Variants in TTC6 observed in about 807,000 individuals in gnomAD.
The protein encoded by TTC6 is tetratricopeptide repeat domain 6.
In TTC6, 172 loss-of-function variants were observed where a neutral mutation model predicts 210.4. The ratio of observed to expected loss-of-function variants is 0.82; its 90% CI spans 0.72 to 0.93. The LOEUF is 0.93. Among genes scored for constraint, TTC6 ranks in the 40% least tolerant of loss-of-function variants. TTC6 has a pLI of 0.00. For missense variants in TTC6, 2,414 were observed against 2,318.1 expected (o/e 1.04, Z -0.85); for synonymous variants, 804 against 819.6 (o/e 0.98, Z 0.32).
At chr14:37,614,639 CT>C (rs765102052) in intron 2 of TTC6, among the ~76,000 whole-genome samples, 2 of 147,842 alleles carry the variant, frequency 1.4e-5, no homozygotes, top group African/African-American at 4.9e-5. Flanking sequence ...GAGTAATTCT[CT>C]TAGGTTTTTT....
intron 10 of TTC6, among the ~76,000 whole-genome samples, chr14:37,741,914 G>T (rs1225860481): frequency 6.6e-6 from 1 of 152,134 alleles, no homozygotes; most frequent in Admixed American, 6.5e-5. Context: ...GTTTCCCTCT[G>T]CTTTGGTCTC....
chr14:37,717,411 T>A (rs2095854470), intron 6 of TTC6, among the ~76,000 whole-genome samples: 1 of 152,158 alleles, frequency 6.6e-6, no homozygotes, highest in Admixed American at 6.5e-5. Flanking sequence ...ATAGGAATAC[T>A]ATGAACAACT....
At chr14:37,630,907 GTTTTTTTTTTTTTTTTTTTTTTTTTTT>G (rs746429138) in intron 1 of TTC6, among the ~76,000 whole-genome samples, 5 of 33,072 alleles carry the variant, frequency 1.5e-4, no homozygotes, top group East Asian at 1.3e-3. Flanking sequence ...GGCAACCCCT[GTTTTTTTTTTTTTTTTTTTTTTTTTTT>G]TTTTTTTTTT....
chr14:37,821,866 C>T (rs569575494), intron 26 of TTC6, among the ~76,000 whole-genome samples: 8 of 150,018 alleles, frequency 5.3e-5, no homozygotes, highest in South Asian at 2.1e-4. Flanking sequence ...CTGCAACCTC[C>T]GCCTTCCAGT....
At chr14:37,841,754 C>T (rs1013042586) in intron 30 of TTC6, 84 bp downstream of exon 32, 1 of 1,064,570 alleles carries the variant, frequency 9.4e-7, no homozygotes, top group African/African-American at 1.6e-5. Context: ...ATCATTAGGT[C>T]TATTTATTTA....
At chr14:37,645,964 T>C (rs1292878250) in intron 1 of TTC6, among the ~76,000 whole-genome samples, 1 of 152,208 alleles carries the variant, frequency 6.6e-6, no homozygotes, top group Non-Finnish European at 1.5e-5. Flanking sequence ...ACAGGAACAA[T>C]GACAGTAATA....
At chr14:37,624,483 T>C (rs1308840348) in intron 1 of TTC6, among the ~76,000 whole-genome samples, 1 of 152,166 alleles carries the variant, frequency 6.6e-6, no homozygotes, top group African/African-American at 2.4e-5. Flanking sequence ...AGGAAAGTTA[T>C]ACCTCAGAGC....
At chr14:37,681,164 A>G (rs1396283659) in intron 2 of TTC6, among the ~76,000 whole-genome samples, 1 of 152,134 alleles carries the variant, frequency 6.6e-6, no homozygotes. Context: ...GGCTTACCAC[A>G]TATGCTATGG....
intron 21 of TTC6, among the ~76,000 whole-genome samples, chr14:37,805,297 C>T (rs146585485): frequency 3.9e-5 from 6 of 152,168 alleles, no homozygotes; most frequent in African/African-American, 1.4e-4. Context: ...ACATATTTAT[C>T]CAGTCTTTGG....
chr14:37,776,445 C>T (rs974521259), intron 14 of TTC6, among the ~76,000 whole-genome samples: 2 of 152,046 alleles, frequency 1.3e-5, no homozygotes, highest in Non-Finnish European at 1.5e-5. Flanking sequence ...TTTGTAGTGG[C>T]TTGTAATGGT....
At chr14:37,811,357 A>G (rs1241961576) in intron 24 of TTC6, among the ~76,000 whole-genome samples, 1 of 152,190 alleles carries the variant, frequency 6.6e-6, no homozygotes, top group African/African-American at 2.4e-5. Flanking sequence ...TAATTATGCC[A>G]CAACATACCT....
At chr14:37,732,251 A>G (rs548264071) in intron 7 of TTC6, among the ~76,000 whole-genome samples, 3 of 122,568 alleles carry the variant, frequency 2.4e-5, no homozygotes, top group Admixed American at 1.1e-4. Flanking sequence ...GGCGCGATCT[A>G]GGCTCACTGC....
intron 1 of TTC6, among the ~76,000 whole-genome samples, chr14:37,654,902 G>A (rs1477308791): frequency 6.6e-6 from 1 of 152,164 alleles, no homozygotes. Flanking sequence ...AAGGAATGAT[G>A]TTAGGTTTCC....
At chr14:37,651,532 T>C (rs560467028) in intron 1 of TTC6, among the ~76,000 whole-genome samples, 1 of 149,396 alleles carries the variant, frequency 6.7e-6, no homozygotes, top group Non-Finnish European at 1.5e-5. Context: ...ACCTTCAAGC[T>C]GCCACATATT....
upstream of TTC6, among the ~76,000 whole-genome samples, chr14:37,620,594 G>C (rs1476145788): frequency 6.6e-6 from 1 of 152,164 alleles, no homozygotes; most frequent in Non-Finnish European, 1.5e-5. Context: ...TTTGTGTAAT[G>C]ATCTTTCAAG....
chr14:37,616,250 C>A (rs2095642474), intron 2 of TTC6, among the ~76,000 whole-genome samples: 1 of 152,156 alleles, frequency 6.6e-6, no homozygotes, highest in Non-Finnish European at 1.5e-5. Context: ...TCTCACTTCT[C>A]AGTGATGTTT....
intron 21 of TTC6, 99 bp from the exon 24 acceptor site, chr14:37,806,261 GA>G: frequency 1.6e-6 from 2 of 1,245,132 alleles, no homozygotes; most frequent in Middle Eastern, 5.7e-4. Context: ...AAAATAGAGT[GA>G]AACTTTTCAA....
intron 5 of TTC6, among the ~76,000 whole-genome samples, chr14:37,703,803 G>T (rs1230105052): frequency 1.3e-5 from 2 of 151,984 alleles, no homozygotes; most frequent in Non-Finnish European, 2.9e-5. Flanking sequence ...ATCTTGTATT[G>T]GCCTTATTTT....
intron 1 of TTC6, among the ~76,000 whole-genome samples, chr14:37,671,819 C>T (rs543500734): frequency 3.9e-5 from 6 of 152,160 alleles, no homozygotes; most frequent in Non-Finnish European, 7.4e-5. Context: ...GGCGGTTCCT[C>T]ATTCTGTTCA....
Sources: gnomAD v4.1 joint callset for allele counts (sites outside exome capture counted in the v4.1 genomes callset) on GRCh38, gnomAD v4.1.1 for gene constraint, MANE v1.5 for transcripts, NCBI Gene and HGNC (gene_info 2026-07-23, HGNC 2026-07-21) for gene names.